GATA4: variants seen among roughly 807,000 people sequenced by gnomAD.
GATA4 encodes GATA binding protein 4.
In GATA4, 7 loss-of-function variants were observed where a neutral mutation model predicts 37.9. The observed-to-expected ratio is 0.18, with a 90% CI of 0.11 to 0.35. GATA4 has a LOEUF of 0.35. Among genes scored for constraint, GATA4 ranks in the 10% least tolerant of loss-of-function variants. The pLI, the probability that GATA4 is intolerant of heterozygous loss-of-function variation, is 1.00. For missense variants in GATA4, 647 were observed against 653.0 expected (o/e 0.99, Z 0.10); for synonymous variants, 372 against 292.6 (o/e 1.27, Z -2.77).
upstream of GATA4, among the ~76,000 whole-genome samples, chr8:11,689,998 G>A (rs1253442937): frequency 6.6e-6 from 1 of 152,228 alleles, no homozygotes; most frequent in East Asian, 1.9e-4. Context: ...GCCCTGTCTG[G>A]ATACTACTTG....
chr8:11,719,792 A>G (rs967261729), intron 2 of GATA4, among the ~76,000 whole-genome samples: 1 of 152,270 alleles, frequency 6.6e-6, no homozygotes, highest in African/African-American at 2.4e-5. Flanking sequence ...CCATTTTTAA[A>G]TAAAGCAGAA....
intron 2 of GATA4, among the ~76,000 whole-genome samples, chr8:11,728,684 G>T (rs2130189440): frequency 6.6e-6 from 1 of 152,272 alleles, no homozygotes; most frequent in African/African-American, 2.4e-5. Flanking sequence ...AAAATGGTGA[G>T]ATTATGGGTT....
chr8:11,713,030 A>C (rs954448161), intron 2 of GATA4, among the ~76,000 whole-genome samples: 1 of 151,538 alleles, frequency 6.6e-6, no homozygotes, highest in African/African-American at 2.4e-5. Flanking sequence ...TTTTAATTTC[A>C]ATGAGGAGAA....
At chr8:11,710,531 A>G (rs962886683) in intron 2 of GATA4, among the ~76,000 whole-genome samples, 4 of 151,486 alleles carry the variant, frequency 2.6e-5, no homozygotes, top group African/African-American at 9.7e-5. Flanking sequence ...ATACAAAAAA[A>G]AAAAAAAAAA....
chr8:11,728,171 T>A (rs1307234526), intron 2 of GATA4, among the ~76,000 whole-genome samples: 1 of 152,128 alleles, frequency 6.6e-6, no homozygotes, highest in Non-Finnish European at 1.5e-5. Context: ...GTATTTTCAG[T>A]AGAGATGGGG....
At chr8:11,751,378 C>T (rs1050921944) in intron 4 of GATA4, among the ~76,000 whole-genome samples, 2 of 152,098 alleles carry the variant, frequency 1.3e-5, no homozygotes, top group Admixed American at 1.3e-4. Flanking sequence ...CAGAACACCT[C>T]TGGTAGGATA....
At chr8:11,736,263 A>G (rs571849546) in intron 2 of GATA4, among the ~76,000 whole-genome samples, 27 of 152,364 alleles carry the variant, frequency 1.8e-4, no homozygotes, top group African/African-American at 6.3e-4. Flanking sequence ...TGAAGGGGAC[A>G]GGGACTAAAA....
intron 4 of GATA4, 74 bp downstream of exon 4, chr8:11,750,310 CT>C: frequency 6.3e-7 from 1 of 1,584,094 alleles, no homozygotes; most frequent in Non-Finnish European, 8.6e-7. Context: ...TGTCTTCTTC[CT>C]TTGTACTAGC....
intron 1 of GATA4, among the ~76,000 whole-genome samples, chr8:11,686,765 C>T (rs1277008371): frequency 1.3e-5 from 2 of 152,064 alleles, no homozygotes; most frequent in Non-Finnish European, 2.9e-5. Flanking sequence ...TTTGGGAGGC[C>T]GAGGCGGTCA....
intron 2 of GATA4, among the ~76,000 whole-genome samples, chr8:11,710,160 G>A (rs199716278): frequency 2.0e-5 from 3 of 152,242 alleles, no homozygotes; most frequent in Non-Finnish European, 4.4e-5. Context: ...GAAGGTTCCC[G>A]GGGGTGCAGC....
intron 1 of GATA4, among the ~76,000 whole-genome samples, chr8:11,677,427 T>G (rs986617320): frequency 1.3e-5 from 2 of 152,202 alleles, no homozygotes; most frequent in African/African-American, 4.8e-5. Context: ...GGGTGCCTGG[T>G]GTCTCAGGAA....
chr8:11,685,864 C>G (rs1799117418), intron 1 of GATA4, among the ~76,000 whole-genome samples: 1 of 152,104 alleles, frequency 6.6e-6, no homozygotes, highest in Non-Finnish European at 1.5e-5. Context: ...GCTGATTATT[C>G]AGACCTCAGG....
At chr8:11,754,687 C>G (rs1368119898) in intron 4 of GATA4, among the ~76,000 whole-genome samples, 1 of 152,184 alleles carries the variant, frequency 6.6e-6, no homozygotes, top group Non-Finnish European at 1.5e-5. Context: ...CCCTCCTTCC[C>G]ACTCCTCACC....
intron 1 of GATA4, among the ~76,000 whole-genome samples, chr8:11,685,460 T>C (rs373282317): frequency 1.3e-5 from 2 of 152,234 alleles, no homozygotes; most frequent in Admixed American, 1.3e-4. Context: ...ATCCAAGACA[T>C]GTCAGCCTTC....
chr8:11,729,239 G>A (rs1801086857), intron 2 of GATA4, among the ~76,000 whole-genome samples: 1 of 150,716 alleles, frequency 6.6e-6, no homozygotes, highest in Non-Finnish European at 1.5e-5. Context: ...TGAGGGAGTT[G>A]GGACCAGATG....
chr8:11,729,695 C>T (rs1801110339), intron 2 of GATA4, among the ~76,000 whole-genome samples: 1 of 152,188 alleles, frequency 6.6e-6, no homozygotes, highest in African/African-American at 2.4e-5. Context: ...ATCATTCCAG[C>T]TTGAATTATC....
At chr8:11,701,987 C>T (rs748131294), upstream of GATA4, among the ~76,000 whole-genome samples, 24 of 152,318 alleles carry the variant, frequency 1.6e-4, no homozygotes, top group Non-Finnish European at 2.9e-4. Context: ...AGCGGCCATC[C>T]ACAGTACAGC....
chr8:11,719,232 G>A (rs79761792), intron 2 of GATA4, among the ~76,000 whole-genome samples: 1 of 149,472 alleles, frequency 6.7e-6, no homozygotes, highest in East Asian at 2.0e-4. Flanking sequence ...CTTTGACCTA[G>A]AAAAGAATGA....
rs1799533044 is a variant in GATA4, at chr8:11,697,205, C to T, written c.-728-3303C>T. 2.0e-5 allele frequency among the ~76,000 whole-genome samples: 3 copies of T among 152,226 alleles called. No individual in the cohort carries two copies. In the South Asian group the frequency reaches 6.2e-4, roughly 31 times the overall value. On this transcript the variant is annotated intron_variant, in intron 1 of 2. Coordinates refer to the GATA4 transcript ENST00000526974. ...TCTGCTGCAGAACAGGGGGCAGCAC[C>T]AGAAGTCCCACTCTAACCGGAGAGC...
Sources: allele counts gnomAD v4.1 joint callset (sites outside exome capture counted in the v4.1 genomes callset), GRCh38; gene constraint gnomAD v4.1.1; transcripts MANE v1.5; gene names NCBI Gene and HGNC (gene_info 2026-07-23, HGNC 2026-07-21).